Variants in FRMD4A observed in about 807,000 individuals in gnomAD.
FRMD4A encodes the protein FERM domain-containing protein 4A.
In FRMD4A, 29 loss-of-function variants were observed where a neutral mutation model predicts 129.1. That is an observed-to-expected ratio of 0.22 (90% CI 0.17 to 0.31). The LOEUF (loss-of-function observed/expected upper bound fraction) is 0.31. Ranked by LOEUF, FRMD4A falls within the 10% of genes least tolerant of loss-of-function variation. FRMD4A has a pLI of 1.00. For synonymous variants in FRMD4A, 634 were observed against 571.6 expected (o/e 1.11, Z -1.56); for missense variants, 1,272 against 1,375.8 (o/e 0.92, Z 1.19).
chr10:14,076,529 A>G (rs1835615032), intron 2 of FRMD4A, among the ~76,000 whole-genome samples: 1 of 151,938 alleles, frequency 6.6e-6, no homozygotes, highest in Non-Finnish European at 1.5e-5. Flanking sequence ...AGTCCCAGCT[A>G]CTCGGGAGGC....
At chr10:13,654,626 G>A (rs2081981908) in intron 22 of FRMD4A, 114 bp from the exon 23 acceptor site, 1 of 670,616 alleles carries the variant, frequency 1.5e-6, no homozygotes, top group Admixed American at 2.6e-5. Context: ...ACCATTTCCA[G>A]GGATGCTGGG....
intron 6 of FRMD4A, among the ~76,000 whole-genome samples, chr10:13,778,622 T>TG (rs200543821): frequency 0.43 from 61,858 of 143,110 alleles, 13,694 homozygotes; most frequent in South Asian, 0.55. Context: ...TGTGTGTGTG[T>TG]TTGTGTGTGT....
chr10:14,161,575 A>G (rs899478033), intron 2 of FRMD4A, among the ~76,000 whole-genome samples: 6 of 152,236 alleles, frequency 3.9e-5, no homozygotes, highest in African/African-American at 7.2e-5. Flanking sequence ...AAAGAAAAAT[A>G]TCACATATTC....
At chr10:14,229,094 TTTTG>T (rs1250879420) in intron 2 of FRMD4A, among the ~76,000 whole-genome samples, 4 of 151,998 alleles carry the variant, frequency 2.6e-5, no homozygotes, top group African/African-American at 4.8e-5. Flanking sequence ...CTTGTTTTTT[TTTTG>T]TTTGTTTTTT....
intron 6 of FRMD4A, among the ~76,000 whole-genome samples, chr10:13,781,976 G>A (rs1051225127): frequency 1.3e-5 from 2 of 152,116 alleles, no homozygotes; most frequent in Non-Finnish European, 2.9e-5. Flanking sequence ...ACTACAAACT[G>A]ACTTCCGTGT....
At chr10:13,957,027 A>C (rs2095413594) in intron 2 of FRMD4A, among the ~76,000 whole-genome samples, 1 of 152,198 alleles carries the variant, frequency 6.6e-6, no homozygotes, top group Non-Finnish European at 1.5e-5. Flanking sequence ...TTCTTGCTAA[A>C]TAATTGGCTT....
intron 2 of FRMD4A, among the ~76,000 whole-genome samples, chr10:13,986,708 C>CT (rs1157807487): frequency 4.3e-4 from 64 of 147,164 alleles, no homozygotes; most frequent in Admixed American, 1.1e-3. Flanking sequence ...AAAAGAAAAG[C>CT]TTTTCCCTGC....
chr10:14,215,258 C>A (rs1318981573), intron 2 of FRMD4A, among the ~76,000 whole-genome samples: 1 of 152,098 alleles, frequency 6.6e-6, no homozygotes, highest in African/African-American at 2.4e-5. Flanking sequence ...GAAAAACAAG[C>A]CAGGCCCTAA....
At chr10:14,280,982 A>ATTTTTTT (rs772555677) in intron 2 of FRMD4A, among the ~76,000 whole-genome samples, 6 of 76,524 alleles carry the variant, frequency 7.8e-5, no homozygotes, top group Admixed American at 1.8e-4. Flanking sequence ...ACTGGTTTCA[A>ATTTTTTT]TTTTTTTTTT....
chr10:14,015,783 A>G (rs1482170600), intron 2 of FRMD4A, among the ~76,000 whole-genome samples: 1 of 152,210 alleles, frequency 6.6e-6, no homozygotes, highest in Non-Finnish European at 1.5e-5. Flanking sequence ...CTTATACGGC[A>G]TATTCTATTA....
rs2083850717 is a variant in FRMD4A at position 13,674,974 on chromosome 10, T to C, written c.1188A>G (p.Glu396=). The C allele has an allele frequency of 1.2e-6, 2 of 1,613,754 alleles. No individual in the cohort carries two copies. The highest frequency in any genetic ancestry group is 1.3e-5 in the African/African-American group (1 of 75,060). The change falls in exon 16 of 25, where the codon GAA becomes GAG. Residue 396 remains glutamate (E), a synonymous_variant. Transcript: ENST00000357447. Reference sequence around the variant, plus strand: ...TCTGACGCAGGGTTTCCTCCAGAGCTTCCTGCCTGGACTTCAAGGCAGCCA... The same window carrying C: ...TCTGACGCAGGGTTTCCTCCAGAGCCTCCTGCCTGGACTTCAAGGCAGCCA... The part of the protein sequence containing the change: ...DMLAALKSRQ[E]ALEETLRQRL...
chr10:14,048,129 C>T (rs1834067853), intron 2 of FRMD4A, among the ~76,000 whole-genome samples: 1 of 152,168 alleles, frequency 6.6e-6, no homozygotes, highest in South Asian at 2.1e-4. Flanking sequence ...GGCGGTTGCT[C>T]TGAGCTAGGC....
At chr10:13,848,702 C>T (rs1432341070) in intron 3 of FRMD4A, among the ~76,000 whole-genome samples, 1 of 152,038 alleles carries the variant, frequency 6.6e-6, no homozygotes, top group African/African-American at 2.4e-5. Context: ...GCTCAGCCCT[C>T]TCTCACAGCC....
chr10:13,831,178 C>T (rs1002671908), intron 3 of FRMD4A, among the ~76,000 whole-genome samples: 1 of 152,232 alleles, frequency 6.6e-6, no homozygotes, highest in Admixed American at 6.5e-5. Context: ...ACGCTCACTT[C>T]TACAGTCCCT....
chr10:13,685,811 G>A (rs1231054690), intron 15 of FRMD4A: 1 of 163,978 alleles, frequency 6.1e-6, no homozygotes, highest in Non-Finnish European at 1.3e-5. Flanking sequence ...TCAAAAAAAA[G>A]TTATCATTGG....
intron 2 of FRMD4A, among the ~76,000 whole-genome samples, chr10:14,184,125 C>CTTTTTTTTTTT (rs58858936): frequency 3.1e-5 from 2 of 64,638 alleles, no homozygotes; most frequent in African/African-American, 6.3e-5. Context: ...CTTTTCTTTT[C>CTTTTTTTTTTT]TTTTTTTTTT....
intron 2 of FRMD4A, among the ~76,000 whole-genome samples, chr10:14,304,881 T>C (rs1846296556): frequency 6.6e-6 from 1 of 152,224 alleles, no homozygotes. Flanking sequence ...TGAGCTGGGA[T>C]AACTCTGAAG....
intron 2 of FRMD4A, among the ~76,000 whole-genome samples, chr10:13,947,344 G>T (rs2095339452): frequency 6.6e-6 from 1 of 152,148 alleles, no homozygotes; most frequent in Non-Finnish European, 1.5e-5. Flanking sequence ...AGACACAGAG[G>T]CTGAATTGCC....
intron 2 of FRMD4A, among the ~76,000 whole-genome samples, chr10:14,183,236 C>T (rs1163924649): frequency 6.6e-6 from 1 of 152,156 alleles, no homozygotes. Flanking sequence ...GTGTCATGCA[C>T]GAATGAAATA....
Sources: gnomAD v4.1 joint callset for allele counts (sites outside exome capture counted in the v4.1 genomes callset) on GRCh38, gnomAD v4.1.1 for gene constraint, MANE v1.5 for transcripts, NCBI Gene and HGNC (gene_info 2026-07-23, HGNC 2026-07-21) for gene names.